Variants in PARD3B observed in about 807,000 individuals in gnomAD.
The protein encoded by PARD3B is par-3 family cell polarity regulator beta.
Under a neutral mutation model 130.2 loss-of-function variants are expected in PARD3B, and 103 were observed. The ratio of observed to expected loss-of-function variants is 0.79; its 90% CI spans 0.67 to 0.93. The LOEUF is 0.93. PARD3B is among the 40% of genes least tolerant of loss of function. The pLI is 0.00. For synonymous variants in PARD3B, 583 were observed against 553.2 expected, an observed-to-expected ratio of 1.05 and a Z score of -0.76; for missense variants, 1,609 against 1,499.2, an observed-to-expected ratio of 1.07 and a Z score of -1.21.
intron 22 of PARD3B, among the ~76,000 whole-genome samples, chr2:205,588,486 G>T (rs1343359943): frequency 2.7e-5 from 4 of 149,694 alleles, no homozygotes; most frequent in Non-Finnish European, 5.9e-5. Flanking sequence ...GACAAGTAAT[G>T]TTTTTTTTTC....
At position 205,407,957 on chromosome 2, in the gene PARD3B, TG is replaced by T. The variant is rs1372087365; in HGVS notation, c.2741+6835del. On this transcript the variant is annotated intron_variant, in intron 19 of 22. Coordinates refer to ENST00000406610, the MANE Select transcript of PARD3B (RefSeq NM_001302769.2). The surrounding 1 kb of genome is among the most constrained non-coding windows in gnomAD (Gnocchi z 4.1). ...CTTACTAGAATCTTAGCAGGATACA[TG>T]AGGAGATGGGAGAAAAAAAAGATCC... 6.6e-6 allele frequency among the ~76,000 whole-genome samples: 1 copy of T among 152,144 alleles called. No individual in the cohort carries two copies. Among genetic ancestry groups the T allele is most frequent in the East Asian group, 1.9e-4 (1 of 5,198 alleles).
chr2:204,747,317 A>T (rs1285688293), intron 2 of PARD3B, among the ~76,000 whole-genome samples: 1 of 152,054 alleles, frequency 6.6e-6, no homozygotes, highest in Non-Finnish European at 1.5e-5. Flanking sequence ...ATCATGAGTG[A>T]ACTCCCATTC....
chr2:205,243,926 A>T (rs1559580046), intron 15 of PARD3B, among the ~76,000 whole-genome samples: 1 of 152,222 alleles, frequency 6.6e-6, no homozygotes, highest in African/African-American at 2.4e-5. Flanking sequence ...GGTTATTTTT[A>T]ATCATTATCA....
chr2:204,658,903 T>C (rs2125179778), intron 1 of PARD3B, among the ~76,000 whole-genome samples: 1 of 152,300 alleles, frequency 6.6e-6, no homozygotes, highest in African/African-American at 2.4e-5. Flanking sequence ...TCAATCCCCA[T>C]CATCGTTGCA....
At chr2:204,946,511 C>A (rs1245543778) in intron 2 of PARD3B, among the ~76,000 whole-genome samples, 1 of 152,122 alleles carries the variant, frequency 6.6e-6, no homozygotes, top group Non-Finnish European at 1.5e-5. Context: ...GACCATCTTA[C>A]AACCTCTATG....
chr2:204,776,305 T>A (rs1007974074), intron 2 of PARD3B, among the ~76,000 whole-genome samples: 1 of 152,078 alleles, frequency 6.6e-6, no homozygotes, highest in African/African-American at 2.4e-5. Context: ...CACGTGTGGT[T>A]TGATGGGATG....
At chr2:205,257,230 C>T (rs891947165) in intron 16 of PARD3B, among the ~76,000 whole-genome samples, 4 of 152,128 alleles carry the variant, frequency 2.6e-5, no homozygotes, top group African/African-American at 9.7e-5. Context: ...TTAGAAACCG[C>T]ATACCCCTAC....
At chr2:205,242,100 T>C (rs1003275772) in intron 15 of PARD3B, among the ~76,000 whole-genome samples, 7 of 152,200 alleles carry the variant, frequency 4.6e-5, no homozygotes, top group Non-Finnish European at 1.0e-4. Flanking sequence ...TAAGTCATTA[T>C]AGTTCCCTCT....
chr2:204,702,092 G>A (rs1289627615), intron 2 of PARD3B, among the ~76,000 whole-genome samples: 2 of 152,090 alleles, frequency 1.3e-5, no homozygotes. Flanking sequence ...TTTTATGGCT[G>A]CGTAGTAATT....
intron 1 of PARD3B, among the ~76,000 whole-genome samples, chr2:204,578,602 T>G (rs909479013): frequency 1.3e-5 from 2 of 152,164 alleles, no homozygotes; most frequent in Non-Finnish European, 2.9e-5. Context: ...ACTAGTTTAT[T>G]ATAATGATGT....
intron 1 of PARD3B, among the ~76,000 whole-genome samples, chr2:204,618,105 A>T (rs1441558638): frequency 2.6e-5 from 4 of 152,226 alleles, no homozygotes; most frequent in African/African-American, 9.6e-5. Context: ...ATGCCCATGG[A>T]CAGTGGAGAG....
At chr2:204,875,923 C>T (rs79278335) in intron 2 of PARD3B, among the ~76,000 whole-genome samples, 10,214 of 152,258 alleles carry the variant, frequency 0.067, 408 homozygotes, top group Middle Eastern at 0.11. Context: ...TGGGGACCTG[C>T]TGACTCTGAG....
Position 204,756,046 on chromosome 2 carries a change from G to A in PARD3B, c.222+69764G>A, listed in dbSNP as rs182267393. On this transcript the variant is annotated intron_variant, in intron 2 of 22. Coordinates refer to ENST00000406610, the MANE Select transcript of PARD3B (RefSeq NM_001302769.2). Reference sequence around the variant, plus strand: ...GAGCATTTCCTAATCAATAGTATACGTCCTGGTGGTGATTAAGAGATGAAG... The same window carrying A: ...GAGCATTTCCTAATCAATAGTATACATCCTGGTGGTGATTAAGAGATGAAG... 2.8e-3 allele frequency among the ~76,000 whole-genome samples: 424 copies of A among 151,990 alleles called. 1 individual carries two copies. The highest frequency in any genetic ancestry group is 9.9e-3 in the African/African-American group (411 of 41,466).
intron 5 of PARD3B, among the ~76,000 whole-genome samples, chr2:205,104,952 T>C (rs373141794): frequency 3.3e-5 from 5 of 152,214 alleles, no homozygotes; most frequent in African/African-American, 1.2e-4. Flanking sequence ...GTTTACTTGA[T>C]GAAATAAAAT....
chr2:204,798,817 A>G (rs1218436423), intron 2 of PARD3B, among the ~76,000 whole-genome samples: 1 of 152,044 alleles, frequency 6.6e-6, no homozygotes, highest in Non-Finnish European at 1.5e-5. Context: ...GAAGGGAAGG[A>G]TCCAGTCCTG....
In PARD3B at chr2:204,930,509, C is replaced by T. The variant is rs373592287; in HGVS notation, c.223-34643C>T. On this transcript the variant is annotated intron_variant, in intron 2 of 22. Transcript: ENST00000406610. The stretch of plus-strand genomic sequence containing the variant: ...TGAATTGATGCAGAATCCATAGATA[C>T]GGAGGGCTGACTATATTTTGTACTC... 5.7e-4 allele frequency among the ~76,000 whole-genome samples: 87 copies of T among 152,042 alleles called. 2 individuals are homozygous for T. Among genetic ancestry groups the T allele is most frequent in the African/African-American group, 9.2e-4 (38 of 41,514 alleles).
At chr2:205,207,274 C>A in intron 15 of PARD3B, among the ~76,000 whole-genome samples, 1 of 130,776 alleles carries the variant, frequency 7.6e-6, no homozygotes, top group African/African-American at 3.1e-5. Flanking sequence ...AGGAAAGATC[C>A]AAAATTGACA....
At chr2:204,699,349 A>T (rs1358906347) in intron 2 of PARD3B, among the ~76,000 whole-genome samples, 1 of 152,136 alleles carries the variant, frequency 6.6e-6, no homozygotes, top group Non-Finnish European at 1.5e-5. Flanking sequence ...AAGCAATATA[A>T]AGACAGTGGT....
At chr2:205,495,412 G>A (rs2049888048) in intron 20 of PARD3B, among the ~76,000 whole-genome samples, 1 of 152,116 alleles carries the variant, frequency 6.6e-6, no homozygotes, top group South Asian at 2.1e-4. Context: ...GATGGCCAGG[G>A]CTTTACTTCA....
Sources: allele counts gnomAD v4.1 joint callset (sites outside exome capture counted in the v4.1 genomes callset), GRCh38; gene constraint gnomAD v4.1.1; non-coding constraint Gnocchi (gnomAD v3.1); transcripts MANE v1.5; gene names NCBI Gene and HGNC (gene_info 2026-07-23, HGNC 2026-07-21).